Variants in PAK1 observed in about 807,000 individuals in gnomAD.
The protein encoded by PAK1 is p21 (RAC1) activated kinase 1.
Under a neutral mutation model 67.4 loss-of-function variants are expected in PAK1, and 29 were observed. The ratio of observed to expected loss-of-function variants is 0.43; its 90% CI spans 0.32 to 0.59. The LOEUF is 0.59. Among genes scored for constraint, PAK1 ranks in the 20% least tolerant of loss-of-function variants. PAK1 has a pLI of 0.07. For missense variants in PAK1, 337 were observed against 670.7 expected (o/e 0.50, Z 5.50); for synonymous variants, 223 against 237.4 (o/e 0.94, Z 0.56).
At chr11:77,459,534 A>G (rs1199686662) in intron 1 of PAK1, among the ~76,000 whole-genome samples, 5 of 152,256 alleles carry the variant, frequency 3.3e-5, no homozygotes, top group Non-Finnish European at 5.9e-5. Flanking sequence ...GTGATGAGGT[A>G]CAATGGTGAC....
At chr11:77,356,945 AT>A (rs1946113078) in intron 6 of PAK1, among the ~76,000 whole-genome samples, 1 of 152,202 alleles carries the variant, frequency 6.6e-6, no homozygotes, top group African/African-American at 2.4e-5. Flanking sequence ...TATCATAAAA[AT>A]ATCACAATTA....
the PAK1 span, among the ~76,000 whole-genome samples, chr11:77,522,802 A>G: frequency 3.3e-5 from 5 of 152,218 alleles, no homozygotes; most frequent in Non-Finnish European, 7.3e-5. Context: ...CCACAATAGC[A>G]AAGACATGAA....
the PAK1 span, among the ~76,000 whole-genome samples, chr11:77,517,443 G>A: frequency 2.6e-5 from 4 of 152,182 alleles, no homozygotes; most frequent in African/African-American, 9.7e-5. Context: ...TCTATTATAG[G>A]GATGAAGGGA....
chr11:77,426,957 A>C (rs1955581020), intron 1 of PAK1, among the ~76,000 whole-genome samples: 2 of 152,204 alleles, frequency 1.3e-5, no homozygotes. Context: ...AAAGCCCCGG[A>C]AGAATGAATG....
At chr11:77,412,435 A>G (rs977929935) in intron 1 of PAK1, among the ~76,000 whole-genome samples, 1 of 151,906 alleles carries the variant, frequency 6.6e-6, no homozygotes, top group African/African-American at 2.4e-5. Context: ...CATTATTATT[A>G]TTATTATTTT....
chr11:77,502,559 A>T, the PAK1 span, among the ~76,000 whole-genome samples: 1 of 152,208 alleles, frequency 6.6e-6, no homozygotes, highest in African/African-American at 2.4e-5. Flanking sequence ...AATTTACCAG[A>T]CACCACTGTA....
chr11:77,430,492 G>A (rs1955809512), intron 1 of PAK1, among the ~76,000 whole-genome samples: 1 of 152,176 alleles, frequency 6.6e-6, no homozygotes, highest in African/African-American at 2.4e-5. Flanking sequence ...TTAGACAGTG[G>A]GGACAAGCTG....
intron 1 of PAK1, among the ~76,000 whole-genome samples, chr11:77,466,813 A>G (rs1257685650): frequency 6.6e-6 from 1 of 152,218 alleles, no homozygotes; most frequent in Non-Finnish European, 1.5e-5. Context: ...CTAAACAATC[A>G]TAAGAACCTG....
At position 77,429,056 on chromosome 11, in the gene PAK1, T is replaced by TAAAAA. The variant is rs566874549; in HGVS notation, c.-21-36520_-21-36516dup. Among the ~76,000 whole-genome samples, 126 of 48,956 alleles carry TAAAAA rather than the reference T, an allele frequency of 2.6e-3. 24 individuals are homozygous for TAAAAA. Among genetic ancestry groups the TAAAAA allele is most frequent in the Non-Finnish European group, 3.2e-3 (100 of 31,482 alleles). 32.1% of individuals were successfully genotyped at this position (48,956 alleles called of 152,430 possible). A position where few individuals can be genotyped will look rare whatever the true frequency, so the allele number is the denominator to read the frequency against. ...TTGGATTCTAAATGCCATTTAATACTAAAAAAAAAAAAAAAAAAAAAAAAA... is the reference window on the plus strand; with the variant it reads ...TTGGATTCTAAATGCCATTTAATACTAAAAAAAAAAAAAAAAAAAAAAAAAAAAAA... On this transcript the variant is annotated intron_variant, in intron 1 of 14. Coordinates refer to ENST00000356341, the MANE Select transcript of PAK1 (RefSeq NM_002576.5).
chr11:77,339,306 C>T (rs979268677), intron 11 of PAK1, among the ~76,000 whole-genome samples: 6 of 151,952 alleles, frequency 3.9e-5, no homozygotes, highest in African/African-American at 9.7e-5. Flanking sequence ...AGTGAAACTT[C>T]GTTCCTGAGG....
chr11:77,410,675 G>C (rs1954377133), intron 1 of PAK1, among the ~76,000 whole-genome samples: 1 of 151,412 alleles, frequency 6.6e-6, no homozygotes, highest in Non-Finnish European at 1.5e-5. Flanking sequence ...AGGGTGAAGG[G>C]GACGGCGGGA....
chr11:77,455,991 A>G (rs1417303948), intron 1 of PAK1: 2 of 152,218 alleles, frequency 1.3e-5, no homozygotes, highest in African/African-American at 4.8e-5. Context: ...GCAAAGATCA[A>G]CATTTACAAT....
chr11:77,523,297 T>C, the PAK1 span, among the ~76,000 whole-genome samples: 1 of 152,204 alleles, frequency 6.6e-6, no homozygotes. Flanking sequence ...CTCAGATTTA[T>C]GTCAAAATAA....
chr11:77,453,251 G>A (rs777685735), intron 1 of PAK1, among the ~76,000 whole-genome samples: 31 of 152,260 alleles, frequency 2.0e-4, no homozygotes, highest in Middle Eastern at 3.4e-3. Flanking sequence ...CTACTCAGGA[G>A]GCTGAGGCAG....
At chr11:77,492,697 A>G in the PAK1 span, among the ~76,000 whole-genome samples, 13 of 152,132 alleles carry the variant, frequency 8.5e-5, no homozygotes, top group African/African-American at 2.7e-4. Context: ...CTCATGTTCA[A>G]TTGTAATTCC....
At chr11:77,490,474 G>C in the PAK1 span, among the ~76,000 whole-genome samples, 2 of 139,670 alleles carry the variant, frequency 1.4e-5, no homozygotes, top group South Asian at 4.6e-4. Context: ...TCAGCCCCCC[G>C]CCCGGCCAGC....
chr11:77,419,524 G>T (rs112149610), intron 1 of PAK1, among the ~76,000 whole-genome samples: 6,306 of 152,168 alleles, frequency 0.041, 461 homozygotes, highest in African/African-American at 0.14. Flanking sequence ...AAAAGCAAAT[G>T]ATCAATAATC....
intron 1 of PAK1, among the ~76,000 whole-genome samples, chr11:77,416,295 C>T (rs1020101950): frequency 2.6e-5 from 4 of 152,054 alleles, no homozygotes; most frequent in Non-Finnish European, 5.9e-5. Flanking sequence ...ATTTTTTTAC[C>T]TTTTAATCTT....
At chr11:77,444,484 G>A (rs183327665) in intron 1 of PAK1, among the ~76,000 whole-genome samples, 12 of 152,188 alleles carry the variant, frequency 7.9e-5, no homozygotes, top group African/African-American at 2.9e-4. Context: ...ATTCACCCTC[G>A]TTTTCTAATG....
Sources: allele counts gnomAD v4.1 joint callset (sites outside exome capture counted in the v4.1 genomes callset), GRCh38; gene constraint gnomAD v4.1.1; transcripts MANE v1.5; gene names NCBI Gene and HGNC (gene_info 2026-07-23, HGNC 2026-07-21).